LUZP2: variants seen among roughly 807,000 people sequenced by gnomAD.
LUZP2 encodes the protein leucine zipper protein 2.
A neutral mutation model predicts 51.6 loss-of-function variants in LUZP2; 52 were observed. The ratio of observed to expected loss-of-function variants is 1.01; its 90% CI spans 0.81 to 1.27. LUZP2 has a LOEUF of 1.27. Among genes scored for constraint, LUZP2 ranks in the 50% most tolerant of loss-of-function variants. The probability of loss-of-function intolerance (pLI) is 0.00; values close to 1 mark genes in which losing one functional copy is unlikely to be tolerated. For missense variants in LUZP2, 436 were observed against 395.4 expected, an observed-to-expected ratio of 1.10 and a Z score of -0.87; for synonymous variants, 154 against 137.3, an observed-to-expected ratio of 1.12 and a Z score of -0.85.
At chr11:24,779,170 G>T (rs1393390158) in intron 5 of LUZP2, among the ~76,000 whole-genome samples, 1 of 152,096 alleles carries the variant, frequency 6.6e-6, no homozygotes, top group African/African-American at 2.4e-5. Context: ...AACTTTAAAA[G>T]AAGTTGATTT....
In LUZP2 at chr11:24,653,576, T is replaced by C. The variant is rs543006070; in HGVS notation, c.63-75593T>C. 4.6e-5 allele frequency among the ~76,000 whole-genome samples: 7 copies of C among 152,316 alleles called. No homozygotes were observed. In the South Asian group the frequency reaches 1.2e-3, roughly 27 times the overall value. On this transcript the variant is annotated intron_variant, in intron 1 of 11. Transcript: ENST00000336930. ...GTGTGTCTTTAGCTTAGCTATGGCA[T>C]TTATAGCCCATGAGATTAGTTGAGA...
At position 25,081,515 on chromosome 11, in the gene LUZP2, A is replaced by G. The variant is rs895578125; in HGVS notation, c.*2857A>G. 2.0e-5 allele frequency: 3 copies of G among 151,984 alleles called. No homozygotes were observed. Among genetic ancestry groups the G allele is most frequent in the Middle Eastern group, 3.4e-3 (1 of 294 alleles). The allele number at this position is 151,984 out of a possible 1,614,324, so 9.4% of individuals were successfully genotyped here. A position where few individuals can be genotyped will look rare whatever the true frequency, so the allele number is the denominator to read the frequency against. On this transcript the variant is annotated 3_prime_UTR_variant, in exon 12 of 12. Transcript: ENST00000336930. ...TAGAGACTCTCTTTCAGTAAGTTCT[A>G]TGACTGTACCTTAATGAATGCATTT...
intron 1 of LUZP2, among the ~76,000 whole-genome samples, chr11:24,594,526 G>A (rs764527068): frequency 6.6e-6 from 1 of 152,232 alleles, no homozygotes; most frequent in Admixed American, 6.6e-5. Flanking sequence ...TGTCATCCCT[G>A]TAGATAAACA....
intron 5 of LUZP2, among the ~76,000 whole-genome samples, chr11:24,870,955 C>T (rs905479675): frequency 1.3e-5 from 2 of 151,898 alleles, no homozygotes; most frequent in Non-Finnish European, 2.9e-5. Context: ...TTTGGTAGAA[C>T]ATTTTTTTGC....
intron 7 of LUZP2, among the ~76,000 whole-genome samples, chr11:24,948,922 A>G (rs145471051): frequency 2.2e-3 from 329 of 151,608 alleles, no homozygotes; most frequent in African/African-American, 7.7e-3. Flanking sequence ...GAACCATATT[A>G]ACAGAGCCAA....
At chr11:24,671,399 T>G (rs1029816939) in intron 1 of LUZP2, among the ~76,000 whole-genome samples, 12 of 152,090 alleles carry the variant, frequency 7.9e-5, no homozygotes, top group Non-Finnish European at 1.8e-4. Context: ...AATTTTGTTC[T>G]TCTAAGTAAC....
chr11:24,903,149 C>A (rs1853329618), intron 5 of LUZP2, among the ~76,000 whole-genome samples: 1 of 152,138 alleles, frequency 6.6e-6, no homozygotes, highest in Admixed American at 6.5e-5. Context: ...AGCAACATTG[C>A]AGAGCCAGAA....
intron 9 of LUZP2, among the ~76,000 whole-genome samples, chr11:25,020,594 T>A (rs1299067359): frequency 6.6e-6 from 1 of 152,114 alleles, no homozygotes; most frequent in Non-Finnish European, 1.5e-5. Flanking sequence ...GGTGGTGTTG[T>A]ATATAGCAAT....
At chr11:24,847,094 A>G (rs935230356) in intron 5 of LUZP2, among the ~76,000 whole-genome samples, 11 of 151,870 alleles carry the variant, frequency 7.2e-5, no homozygotes, top group Non-Finnish European at 1.3e-4. Context: ...GTTACTTGAA[A>G]ACACATTACA....
Position 24,738,303 on chromosome 11 carries a change from G to C in LUZP2, c.333+1G>C. ...GAAAGCAGAAAAACACCAGGCTACT[G>C]TAAGTGTGTTTCTTCTTTGTGCCTT... On this transcript the variant is annotated splice_donor_variant, in intron 4 of 11. Coordinates refer to ENST00000336930, the MANE Select transcript of LUZP2 (RefSeq NM_001009909.4). LOFTEE classifies it high-confidence loss of function. 1 of 1,608,974 alleles carries C rather than the reference G, an allele frequency of 6.2e-7. No individual in the cohort carries two copies. Among genetic ancestry groups the C allele is most frequent in the Non-Finnish European group, 8.5e-7 (1 of 1,176,440 alleles).
At chr11:24,886,498 G>A (rs1306413540) in intron 5 of LUZP2, among the ~76,000 whole-genome samples, 1 of 152,014 alleles carries the variant, frequency 6.6e-6, no homozygotes, top group Non-Finnish European at 1.5e-5. Flanking sequence ...TTTCTCTACT[G>A]CCAATCCTTT....
intron 1 of LUZP2, among the ~76,000 whole-genome samples, chr11:24,592,469 T>C (rs909930356): frequency 3.9e-5 from 6 of 152,192 alleles, no homozygotes; most frequent in African/African-American, 1.4e-4. Context: ...TTAAGGGAAG[T>C]TGCCTGTTAC....
chr11:25,033,738 C>T (rs1857770104), intron 9 of LUZP2, among the ~76,000 whole-genome samples: 1 of 152,138 alleles, frequency 6.6e-6, no homozygotes, highest in Non-Finnish European at 1.5e-5. Context: ...ACCTATGTTG[C>T]TACAAAAGAC....
At position 24,730,952 on chromosome 11, in the gene LUZP2, A is replaced by G. The variant is rs112338749; in HGVS notation, c.181-1166A>G. Reference sequence around the variant, plus strand: ...TTGTGCCAGGTCATAAGACCATGATACACTTTGAACTTTAACTCCTGTGAA... The same window carrying G: ...TTGTGCCAGGTCATAAGACCATGATGCACTTTGAACTTTAACTCCTGTGAA... On this transcript the variant is annotated intron_variant, in intron 2 of 11. Transcript: ENST00000336930. 8.0e-3 allele frequency among the ~76,000 whole-genome samples: 1,219 copies of G among 151,864 alleles called. 7 individuals carry two copies. Among genetic ancestry groups the G allele is most frequent in the Non-Finnish European group, 0.013 (858 of 67,766 alleles).
At chr11:24,948,824 CATCTATCTATCTATCT>C (rs67058181) in intron 7 of LUZP2, among the ~76,000 whole-genome samples, 58,513 of 122,042 alleles carry the variant, frequency 0.48, 12,505 homozygotes, top group Non-Finnish European at 0.6. Flanking sequence ...ATCTATCTAT[CATCTATCTATCTATCT>C]ATCTATCTAT....
At chr11:24,516,762 A>G (rs1850476685) in intron 1 of LUZP2, among the ~76,000 whole-genome samples, 1 of 152,106 alleles carries the variant, frequency 6.6e-6, no homozygotes, top group Non-Finnish European at 1.5e-5. Context: ...GTAGGTAAGG[A>G]AGAAGGCAAA....
At chr11:25,069,367 T>C (rs1859088271) in intron 10 of LUZP2, among the ~76,000 whole-genome samples, 1 of 151,968 alleles carries the variant, frequency 6.6e-6, no homozygotes. Context: ...AGTATTGATA[T>C]GAGAATTAAA....
intron 10 of LUZP2, among the ~76,000 whole-genome samples, chr11:25,074,318 G>T (rs971417475): frequency 6.6e-6 from 1 of 152,124 alleles, no homozygotes; most frequent in Non-Finnish European, 1.5e-5. Flanking sequence ...GTGCCTCTCT[G>T]AGACTCACTA....
intron 1 of LUZP2, among the ~76,000 whole-genome samples, chr11:24,619,095 C>T (rs1349235447): frequency 1.3e-5 from 2 of 152,026 alleles, no homozygotes; most frequent in African/African-American, 2.4e-5. Context: ...ATGGCATGAT[C>T]GTAGCTCACT....
Sources: allele counts gnomAD v4.1 joint callset (sites outside exome capture counted in the v4.1 genomes callset), GRCh38; gene constraint gnomAD v4.1.1; transcripts MANE v1.5; gene names NCBI Gene and HGNC (gene_info 2026-07-23, HGNC 2026-07-21).